MMP26: variants seen among roughly 807,000 people sequenced by gnomAD.
The protein encoded by MMP26 is matrix metalloproteinase-26.
MMP26 carries 33 observed loss-of-function variants against 31.0 expected under a neutral mutation model. The ratio of observed to expected loss-of-function variants is 1.06; its 90% CI spans 0.81 to 1.42. MMP26 has a LOEUF of 1.42. MMP26 is among the 40% of genes most tolerant of loss of function. The pLI is 0.00. For synonymous variants in MMP26, 122 were observed against 114.9 expected (o/e 1.06, Z -0.40); for missense variants, 347 against 316.1 (o/e 1.10, Z -0.74).
chr11:4,882,227 T>C, intron 2 of MMP26: 1 of 1,614,002 alleles, frequency 6.2e-7, no homozygotes, highest in East Asian at 2.2e-5. Flanking sequence ...GCATGCTTTC[T>C]CCTTGCTGGA....
chr11:4,866,856 G>C (rs1410940287), intron 2 of MMP26, among the ~76,000 whole-genome samples: 1 of 152,118 alleles, frequency 6.6e-6, no homozygotes, highest in East Asian at 1.9e-4. Context: ...TTTAATAAAT[G>C]GTGCTGGGGG....
intron 2 of MMP26, among the ~76,000 whole-genome samples, chr11:4,792,221 A>T (rs2133443611): frequency 6.6e-6 from 1 of 152,186 alleles, no homozygotes; most frequent in South Asian, 2.1e-4. Flanking sequence ...ACTAACACAA[A>T]CTCACAGTTC....
chr11:4,828,103 TTAAAATATAC>T (rs1241267140), intron 2 of MMP26, among the ~76,000 whole-genome samples: 1 of 152,164 alleles, frequency 6.6e-6, no homozygotes, highest in Non-Finnish European at 1.5e-5. Context: ...AATACTCTAG[TTAAAATATAC>T]ATTTTTCTGA....
At chr11:4,708,866 C>CT (rs1847819113) in intron 1 of MMP26, among the ~76,000 whole-genome samples, 1 of 152,294 alleles carries the variant, frequency 6.6e-6, no homozygotes, top group South Asian at 2.1e-4. Flanking sequence ...TTTAAGCCAT[C>CT]TTTTTTCAGG....
intron 2 of MMP26, chr11:4,915,149 G>A (rs752167499): frequency 4.3e-6 from 7 of 1,614,038 alleles, no homozygotes; most frequent in South Asian, 1.1e-5. Context: ...GCCACAATAG[G>A]GGAATCTTTT....
intron 2 of MMP26, chr11:4,804,637 G>A: frequency 1.6e-6 from 1 of 624,636 alleles, no homozygotes; most frequent in East Asian, 3.3e-5. Context: ...ATGTGTAACT[G>A]TTTTTTAAGA....
chr11:4,774,987 G>A (rs932395114), intron 2 of MMP26, among the ~76,000 whole-genome samples: 1 of 152,058 alleles, frequency 6.6e-6, no homozygotes, highest in Non-Finnish European at 1.5e-5. Context: ...ATTGGTCTAT[G>A]TGTCTGTTTT....
intron 1 of MMP26, chr11:4,751,998 C>T (rs1564901132): frequency 6.6e-6 from 1 of 152,128 alleles, no homozygotes; most frequent in Non-Finnish European, 1.5e-5. Flanking sequence ...ATTTTCTAGA[C>T]TTTGAAATAA....
chr11:4,963,495 C>T (rs1054253285), intron 2 of MMP26, among the ~76,000 whole-genome samples: 1 of 152,182 alleles, frequency 6.6e-6, no homozygotes, highest in Non-Finnish European at 1.5e-5. Flanking sequence ...TACTACAAGG[C>T]TACAGTAACC....
At chr11:4,785,539 A>G (rs1848930177) in intron 2 of MMP26, among the ~76,000 whole-genome samples, 1 of 152,128 alleles carries the variant, frequency 6.6e-6, no homozygotes. Context: ...CTACTAGATT[A>G]TTTCTTTCTC....
At chr11:4,815,215 T>C (rs542036744) in intron 2 of MMP26, among the ~76,000 whole-genome samples, 14 of 152,236 alleles carry the variant, frequency 9.2e-5, no homozygotes, top group East Asian at 7.7e-4. Flanking sequence ...ACATAAACAG[T>C]AGGGCAGAGG....
intron 2 of MMP26, chr11:4,973,385 T>G (rs545458678): frequency 6.6e-6 from 1 of 152,522 alleles, no homozygotes; most frequent in South Asian, 2.1e-4. Context: ...ATATTTTAGA[T>G]GTTTTAGAGT....
chr11:4,709,276 C>T (rs191828795), intron 1 of MMP26, among the ~76,000 whole-genome samples: 41 of 152,174 alleles, frequency 2.7e-4, no homozygotes, highest in Middle Eastern at 3.4e-3. Context: ...TGAAACTAAT[C>T]TCCTGTTTTA....
chr11:4,971,724 A>G (rs1056893660), intron 2 of MMP26, among the ~76,000 whole-genome samples: 41 of 152,172 alleles, frequency 2.7e-4, no homozygotes, highest in African/African-American at 9.9e-4. Flanking sequence ...TTTGGCTCAC[A>G]GTTCTGCAGA....
chr11:4,882,141 C>CCACTGTGACCCAA (rs1301619479), intron 2 of MMP26: 1 of 1,613,938 alleles, frequency 6.2e-7, no homozygotes, highest in Non-Finnish European at 8.5e-7. Flanking sequence ...ACGACCCTTC[C>CCACTGTGACCCAA]CACTGTGCTT....
At chr11:4,774,199 C>T (rs533589813) in intron 2 of MMP26, among the ~76,000 whole-genome samples, 4 of 152,084 alleles carry the variant, frequency 2.6e-5, no homozygotes, top group Non-Finnish European at 5.9e-5. Flanking sequence ...GTTGAGGAAT[C>T]GCCACACCAT....
intron 2 of MMP26, among the ~76,000 whole-genome samples, chr11:4,840,593 G>T (rs1385509439): frequency 6.6e-6 from 1 of 152,240 alleles, no homozygotes; most frequent in East Asian, 1.9e-4. Flanking sequence ...ACCTCTATGA[G>T]TCTAGAAGAA....
chr11:4,772,745 T>A (rs1848742947), intron 2 of MMP26, among the ~76,000 whole-genome samples: 1 of 152,214 alleles, frequency 6.6e-6, no homozygotes, highest in Non-Finnish European at 1.5e-5. Context: ...AATTCTAGGT[T>A]CATAAGAAAA....
intron 1 of MMP26, among the ~76,000 whole-genome samples, chr11:4,751,208 C>G (rs1484882524): frequency 6.6e-6 from 1 of 152,088 alleles, no homozygotes; most frequent in East Asian, 1.9e-4. Context: ...CAATAAGTAT[C>G]TACTATGTGA....
Sources: allele counts gnomAD v4.1 joint callset (sites outside exome capture counted in the v4.1 genomes callset), GRCh38; gene constraint gnomAD v4.1.1; transcripts MANE v1.5; gene names NCBI Gene and HGNC (gene_info 2026-07-23, HGNC 2026-07-21).